DIPK1A: variants seen among roughly 807,000 people sequenced by gnomAD.
DIPK1A encodes family with sequence similarity 69 member A.
A neutral mutation model predicts 40.8 loss-of-function variants in DIPK1A; 27 were observed. The ratio of observed to expected loss-of-function variants is 0.66; its 90% CI spans 0.49 to 0.91. DIPK1A has a LOEUF of 0.91. Among genes scored for constraint, DIPK1A ranks in the 40% least tolerant of loss-of-function variants. The pLI is 0.00. For synonymous variants in DIPK1A, 166 were observed against 171.3 expected, an observed-to-expected ratio of 0.97 and a Z score of 0.24; for missense variants, 412 against 505.7, an observed-to-expected ratio of 0.81 and a Z score of 1.78.
intron 1 of DIPK1A, among the ~76,000 whole-genome samples, chr1:92,928,360 A>G (rs1311291621): frequency 2.6e-5 from 4 of 152,258 alleles, no homozygotes; most frequent in Admixed American, 6.5e-5. Context: ...TACTGTTATA[A>G]ACCCTACAAT....
downstream of DIPK1A, among the ~76,000 whole-genome samples, chr1:92,839,988 T>C (rs1687287072): frequency 6.6e-6 from 1 of 151,684 alleles, no homozygotes; most frequent in African/African-American, 2.4e-5. Flanking sequence ...GTTATAGGTG[T>C]GCACCACCAT....
chr1:92,954,880 C>G (rs908138474), intron 1 of DIPK1A, among the ~76,000 whole-genome samples: 2 of 152,158 alleles, frequency 1.3e-5, no homozygotes, highest in African/African-American at 2.4e-5. Flanking sequence ...AAAAAACCTG[C>G]ACACAGATGT....
intron 2 of DIPK1A, among the ~76,000 whole-genome samples, chr1:92,871,434 G>C (rs1396286750): frequency 6.6e-6 from 1 of 152,034 alleles, no homozygotes; most frequent in Non-Finnish European, 1.5e-5. Flanking sequence ...CAAAGTGCTG[G>C]GATTACAGGT....
intron 1 of DIPK1A, among the ~76,000 whole-genome samples, chr1:92,878,848 CAAACAAAA>C (rs1421883591): frequency 6.7e-6 from 1 of 148,946 alleles, no homozygotes; most frequent in African/African-American, 2.5e-5. Flanking sequence ...AACAAACAAA[CAAACAAAA>C]ATTAGCCGAG....
At chr1:92,833,671 T>C (rs757021956) in intron 4 of DIPK1A, 1 of 1,594,450 alleles carries the variant, frequency 6.3e-7, no homozygotes, top group Non-Finnish European at 8.6e-7. Flanking sequence ...GTAAGTTGTA[T>C]TCTAGACAGT....
intron 1 of DIPK1A, among the ~76,000 whole-genome samples, chr1:92,899,203 T>C (rs956988213): frequency 5.9e-5 from 9 of 152,364 alleles, no homozygotes; most frequent in Middle Eastern, 3.4e-3. Context: ...AAATAAGATA[T>C]GCTTTATATA....
intron 1 of DIPK1A, among the ~76,000 whole-genome samples, chr1:92,922,798 A>ATTGT (rs1650321637): frequency 1.3e-5 from 2 of 152,228 alleles, no homozygotes; most frequent in Non-Finnish European, 2.9e-5. Context: ...ATGAAACAAA[A>ATTGT]TGCAGCCAGT....
chr1:92,865,257 A>G (rs1220363473), intron 2 of DIPK1A, among the ~76,000 whole-genome samples: 2 of 151,414 alleles, frequency 1.3e-5, no homozygotes, highest in Non-Finnish European at 2.9e-5. Flanking sequence ...CAGCTACTTG[A>G]GAGGCTGAGG....
intron 2 of DIPK1A, among the ~76,000 whole-genome samples, chr1:92,873,200 C>G (rs1456354487): frequency 6.6e-6 from 1 of 152,192 alleles, no homozygotes; most frequent in East Asian, 1.9e-4. Flanking sequence ...CCAGTGTTCC[C>G]ATCCTTGGTT....
intron 4 of DIPK1A, among the ~76,000 whole-genome samples, chr1:92,835,973 TAAAAC>T (rs1380696063): frequency 2.6e-5 from 4 of 152,148 alleles, no homozygotes; most frequent in East Asian, 1.9e-4. Context: ...GCAAAAGTCA[TAAAAC>T]AAAATTGTTT....
intron 1 of DIPK1A, among the ~76,000 whole-genome samples, 181 bp downstream of exon 1, chr1:92,961,195 G>A (rs1362599852): frequency 6.6e-6 from 1 of 150,826 alleles, no homozygotes; most frequent in Non-Finnish European, 1.5e-5. Context: ...GGGGGGCGTC[G>A]GCAGAGCCGC....
chr1:92,922,382 G>A (rs889184794), intron 1 of DIPK1A, among the ~76,000 whole-genome samples: 8 of 146,340 alleles, frequency 5.5e-5, no homozygotes, highest in African/African-American at 2.0e-4. Context: ...TTGAACTTCT[G>A]GATCTTGTGG....
intron 2 of DIPK1A, among the ~76,000 whole-genome samples, chr1:92,861,616 T>A (rs1166192388): frequency 6.6e-6 from 1 of 151,592 alleles, no homozygotes; most frequent in East Asian, 2.0e-4. Flanking sequence ...CGTGAGCTGC[T>A]GCGCTCAGCC....
Position 92,877,028 on chromosome 1 carries a change from G to A in DIPK1A, c.55-598C>T, listed in dbSNP as rs902027738. On this transcript the variant is annotated intron_variant, in intron 1 of 4. Coordinates refer to ENST00000370310, the MANE Select transcript of DIPK1A (RefSeq NM_001006605.5). Reference sequence around the variant, plus strand: ...CCGAATAGATATTCTGGAAACTGAGGAGACGCTAACAATTGTTAAAGGAGA... The same window carrying A: ...CCGAATAGATATTCTGGAAACTGAGAAGACGCTAACAATTGTTAAAGGAGA... 12 of 985,236 alleles carry A rather than the reference G, an allele frequency of 1.2e-5. 1 individual carries two copies. In the Admixed American group the frequency reaches 5.5e-4, roughly 45 times the overall value. 61.0% of individuals were successfully genotyped at this position (985,236 alleles called of 1,614,324 possible).
chr1:92,916,452 C>T (rs572459080), intron 1 of DIPK1A, among the ~76,000 whole-genome samples: 1 of 151,996 alleles, frequency 6.6e-6, no homozygotes, highest in African/African-American at 2.4e-5. Context: ...CAGGTGCCCG[C>T]CCCCATGCCC....
rs1157142089 is a variant in DIPK1A, at chr1:92,959,903, C to CTTTTT, written c.54+1468_54+1472dup. 3.5e-3 allele frequency among the ~76,000 whole-genome samples: 166 copies of CTTTTT among 47,854 alleles called. 10 individuals are homozygous for CTTTTT. The highest frequency in any genetic ancestry group is 0.011 in the African/African-American group (96 of 9,068). 31.4% of individuals were successfully genotyped at this position (47,854 alleles called of 152,430 possible). On this transcript the variant is annotated intron_variant, in intron 1 of 4. Coordinates refer to ENST00000370310, the MANE Select transcript of DIPK1A (RefSeq NM_001006605.5). ...GCTGGGACCACAGGCACCCAACCAA[C>CTTTTT]TTTTTTTTTTTTTTTTTTTTTTTTG...
intron 4 of DIPK1A, among the ~76,000 whole-genome samples, chr1:92,846,890 CACGTATATATATATATACGT>C (rs1687654463): frequency 1.6e-4 from 1 of 6,210 alleles, no homozygotes; most frequent in African/African-American, 9.9e-4. Context: ...TATACACACA[CACGTATATATATATATACGT>C]GTATATATAT....
chr1:92,838,200 T>A (rs1366201299), downstream of DIPK1A, among the ~76,000 whole-genome samples: 1 of 152,198 alleles, frequency 6.6e-6, no homozygotes, highest in Non-Finnish European at 1.5e-5. Context: ...AAAACAGTAG[T>A]TGGGAAATGA....
intron 1 of DIPK1A, among the ~76,000 whole-genome samples, chr1:92,939,370 A>AT (rs1327720041): frequency 2.0e-5 from 3 of 151,976 alleles, no homozygotes; most frequent in African/African-American, 7.3e-5. Flanking sequence ...GCTATAGGCC[A>AT]TTTTTGCATT....
Sources: gnomAD v4.1 joint callset for allele counts (sites outside exome capture counted in the v4.1 genomes callset) on GRCh38, gnomAD v4.1.1 for gene constraint, MANE v1.5 for transcripts, NCBI Gene and HGNC (gene_info 2026-07-23, HGNC 2026-07-21) for gene names.